The following CACNB4 variants were observed in gnomAD, a reference collection of about 807,000 sequenced individuals.
CACNB4 encodes calcium voltage-gated channel auxiliary subunit beta 4.
In CACNB4, 32 loss-of-function variants were observed where a neutral mutation model predicts 71.2. The ratio of observed to expected loss-of-function variants is 0.45; its 90% CI spans 0.34 to 0.60. CACNB4 has a LOEUF of 0.60. CACNB4 is among the 20% of genes least tolerant of loss of function. The pLI is 0.01. For synonymous variants in CACNB4, 231 were observed against 236.9 expected (o/e 0.97, Z 0.23); for missense variants, 464 against 647.9 (o/e 0.72, Z 3.08).
intron 13 of CACNB4, among the ~76,000 whole-genome samples, chr2:151,840,487 C>A (rs1345800406): frequency 6.6e-6 from 1 of 152,198 alleles, no homozygotes. Context: ...CTTCATGCAT[C>A]TATTTCTCAT....
intron 2 of CACNB4, among the ~76,000 whole-genome samples, chr2:151,887,588 G>A (rs561505419): frequency 6.6e-6 from 1 of 152,222 alleles, no homozygotes; most frequent in Admixed American, 6.5e-5. Flanking sequence ...ACAATGTAAG[G>A]GCTTCTTCTC....
chr2:151,936,240 C>A (rs1450918894), intron 2 of CACNB4: 1 of 152,146 alleles, frequency 6.6e-6, no homozygotes, highest in African/African-American at 2.4e-5. Flanking sequence ...TCAAACAGCT[C>A]GCAGATAGTA....
At chr2:151,843,450 G>T (rs1456423567) in intron 12 of CACNB4, among the ~76,000 whole-genome samples, 4 of 152,160 alleles carry the variant, frequency 2.6e-5, no homozygotes, top group Non-Finnish European at 5.9e-5. Context: ...GAGTAGCTGG[G>T]ACCACAGGCA....
intron 2 of CACNB4, among the ~76,000 whole-genome samples, chr2:151,955,582 T>C (rs974891707): frequency 2.0e-5 from 3 of 152,108 alleles, no homozygotes; most frequent in Admixed American, 6.5e-5. Flanking sequence ...AGGAACCTCA[T>C]AGAAGAAGTG....
At chr2:151,935,770 A>G (rs2099862780) in intron 2 of CACNB4, among the ~76,000 whole-genome samples, 1 of 152,264 alleles carries the variant, frequency 6.6e-6, no homozygotes, top group Non-Finnish European at 1.5e-5. Flanking sequence ...TTGAAGAAAT[A>G]GCATTGATAA....
chr2:152,039,549 CTT>C (rs1684770782), intron 2 of CACNB4, among the ~76,000 whole-genome samples: 1 of 152,188 alleles, frequency 6.6e-6, no homozygotes, highest in Admixed American at 6.5e-5. Context: ...CTAGAATATT[CTT>C]GTTTTCATAT....
At chr2:152,001,526 T>TTAAAAAA in intron 2 of CACNB4, among the ~76,000 whole-genome samples, 1 of 35,470 alleles carries the variant, frequency 2.8e-5, no homozygotes, top group Non-Finnish European at 5.0e-5. Flanking sequence ...CCATCTCTAC[T>TTAAAAAA]AAAAAAAAAA....
At chr2:152,067,391 G>C (rs866097771) in intron 2 of CACNB4, among the ~76,000 whole-genome samples, 25 of 144,602 alleles carry the variant, frequency 1.7e-4, no homozygotes, top group African/African-American at 4.5e-4. Context: ...GTGTGTGTGG[G>C]GGGGGGGGTG....
intron 2 of CACNB4, among the ~76,000 whole-genome samples, chr2:152,090,186 T>G (rs1486545383): frequency 6.6e-6 from 1 of 152,236 alleles, no homozygotes; most frequent in African/African-American, 2.4e-5. Context: ...AGGAAGGCCA[T>G]TAAATAGCAT....
chr2:152,028,178 A>G (rs1579159172), intron 2 of CACNB4, among the ~76,000 whole-genome samples: 2 of 152,298 alleles, frequency 1.3e-5, no homozygotes, highest in African/African-American at 2.4e-5. Flanking sequence ...CAAAGCAACA[A>G]TTTAGGACTG....
At chr2:151,890,048 T>C (rs965919332) in intron 2 of CACNB4, among the ~76,000 whole-genome samples, 2 of 152,216 alleles carry the variant, frequency 1.3e-5, no homozygotes, top group Non-Finnish European at 2.9e-5. Context: ...TTTTTTTAAT[T>C]ACAGTCTTCA....
At chr2:152,059,326 G>A (rs529767704) in intron 2 of CACNB4, among the ~76,000 whole-genome samples, 6 of 152,376 alleles carry the variant, frequency 3.9e-5, no homozygotes, top group East Asian at 1.9e-4. Flanking sequence ...AACGGCAGCC[G>A]TGAAAGCAGC....
intron 2 of CACNB4, among the ~76,000 whole-genome samples, chr2:152,065,421 T>A (rs1232918542): frequency 6.6e-6 from 1 of 151,122 alleles, no homozygotes; most frequent in African/African-American, 2.4e-5. Context: ...AGAAGTTACA[T>A]GCTTTTTCCC....
At chr2:151,942,543 A>G (rs2099864523) in intron 2 of CACNB4, among the ~76,000 whole-genome samples, 1 of 148,976 alleles carries the variant, frequency 6.7e-6, no homozygotes, top group Non-Finnish European at 1.5e-5. Flanking sequence ...AGACAACCAT[A>G]AGGTCTGACT....
At chr2:151,969,890 T>G (rs2099872070) in intron 2 of CACNB4, 2 of 152,234 alleles carry the variant, frequency 1.3e-5, no homozygotes, top group South Asian at 4.1e-4. Context: ...TATATTATGA[T>G]TCCTTTCTAT....
At chr2:151,880,497 T>C (rs2099847568) in intron 4 of CACNB4, 5 of 380,170 alleles carry the variant, frequency 1.3e-5, no homozygotes, top group Non-Finnish European at 1.9e-5. Flanking sequence ...TCCATATATT[T>C]ATGGCTCTGC....
chr2:151,856,009 A>C (rs1349075264), intron 10 of CACNB4, among the ~76,000 whole-genome samples: 3 of 151,876 alleles, frequency 2.0e-5, no homozygotes, highest in Admixed American at 6.6e-5. Flanking sequence ...AAAAAAAAAA[A>C]GTAAGGCCAA....
At chr2:151,999,617 C>T (rs1023981196) in intron 2 of CACNB4, among the ~76,000 whole-genome samples, 1 of 152,134 alleles carries the variant, frequency 6.6e-6, no homozygotes, top group African/African-American at 2.4e-5. Context: ...TGACGCACAG[C>T]CAGAGCCGAG....
intron 2 of CACNB4, among the ~76,000 whole-genome samples, chr2:152,047,220 C>T (rs566073324): frequency 6.6e-6 from 1 of 152,188 alleles, no homozygotes; most frequent in Non-Finnish European, 1.5e-5. Flanking sequence ...GTCCCTGAGT[C>T]GTTTTTCAGA....
Sources: gnomAD v4.1 joint callset for allele counts (sites outside exome capture counted in the v4.1 genomes callset) on GRCh38, gnomAD v4.1.1 for gene constraint, MANE v1.5 for transcripts, NCBI Gene and HGNC (gene_info 2026-07-23, HGNC 2026-07-21) for gene names.